The following CYP20A1 variants were observed in gnomAD, a reference collection of about 807,000 sequenced individuals.
CYP20A1 encodes cytochrome P450 family 20 subfamily A member 1.
Under a neutral mutation model 61.4 loss-of-function variants are expected in CYP20A1, and 61 were observed. The ratio of observed to expected loss-of-function variants is 0.99; its 90% confidence interval spans 0.81 to 1.23. The LOEUF (loss-of-function observed/expected upper bound fraction) is 1.23. CYP20A1 is among the 50% of genes most tolerant of loss of function. The probability of loss-of-function intolerance (pLI) is 0.00; values close to 1 mark genes in which losing one functional copy is unlikely to be tolerated. For missense variants in CYP20A1, 530 were observed against 542.4 expected, an observed-to-expected ratio of 0.98 and a Z score of 0.23; for synonymous variants, 193 against 188.2, an observed-to-expected ratio of 1.03 and a Z score of -0.21.
chr2:203,266,163 C>A (rs925446621), intron 4 of CYP20A1, among the ~76,000 whole-genome samples: 1 of 152,132 alleles, frequency 6.6e-6, no homozygotes, highest in Non-Finnish European at 1.5e-5. Flanking sequence ...CACAGGCATT[C>A]TGTGGCAGAC....
At chr2:203,285,076 G>A (rs1019443451) in intron 8 of CYP20A1, among the ~76,000 whole-genome samples, 1 of 152,022 alleles carries the variant, frequency 6.6e-6, no homozygotes, top group African/African-American at 2.4e-5. Context: ...CACCACGTCT[G>A]GTTGAGAACT....
rs1437374054 is a variant in CYP20A1, at chr2:203,303,799, C to A, written c.*6891C>A. Among the ~76,000 whole-genome samples the A allele has an allele frequency of 1.3e-5, 2 of 150,756 alleles. No homozygotes were observed. The highest frequency in any genetic ancestry group is 3.0e-5 in the Non-Finnish European group (2 of 67,792). ...GCTGAGGCATGAGAAAAAAAATAAA[C>A]CTGGGAGGTGGAGGTTGCAGTGAGT... On this transcript the variant is annotated 3_prime_UTR_variant, in exon 13 of 13. Transcript: ENST00000356079.
At chr2:203,244,099 G>A (rs116095618) in intron 1 of CYP20A1, among the ~76,000 whole-genome samples, 183 of 151,942 alleles carry the variant, frequency 1.2e-3, no homozygotes, top group African/African-American at 4.3e-3. Flanking sequence ...ACTGTGAACT[G>A]GCTATGCTCC....
chr2:203,294,406 G>T lies in CYP20A1; in HGVS notation c.1149-2068G>T, dbSNP rs998734662. Among the ~76,000 whole-genome samples, 3 of 151,616 alleles carry T rather than the reference G, an allele frequency of 2.0e-5. No individual in the cohort carries two copies. In the East Asian group the frequency reaches 5.9e-4, roughly 30 times the overall value. ...TGCAAAATTAGCCAGGTGTGGTGGC[G>T]CATGCCTGTAATCCCAGCTACTCGG... On this transcript the variant is annotated intron_variant, in intron 11 of 12. Transcript: ENST00000356079.
intron 1 of CYP20A1, among the ~76,000 whole-genome samples, chr2:203,239,945 C>T (rs1313227954): frequency 6.6e-6 from 1 of 152,054 alleles, no homozygotes; most frequent in Non-Finnish European, 1.5e-5. Flanking sequence ...AAAATACAAA[C>T]ATTAGCTGGC....
intron 1 of CYP20A1, among the ~76,000 whole-genome samples, chr2:203,243,855 A>T (rs964353599): frequency 6.6e-6 from 1 of 151,626 alleles, no homozygotes; most frequent in Admixed American, 6.6e-5. Context: ...CACCCGGCGA[A>T]TTTTTTGTAC....
chr2:203,302,997 T>C lies in CYP20A1; in HGVS notation c.*6089T>C, dbSNP rs1441512242. ...TGAGCCACCGCGCTCGGTCCCTTTC[T>C]TTTTATTTATTTATTTATTTTGAGA... On this transcript the variant is annotated 3_prime_UTR_variant, in exon 13 of 13. Coordinates refer to ENST00000356079, the MANE Select transcript of CYP20A1 (RefSeq NM_177538.3). Among the ~76,000 whole-genome samples, 1 of 151,600 alleles carries C rather than the reference T, an allele frequency of 6.6e-6. No homozygotes were observed. The highest frequency in any genetic ancestry group is 1.5e-5 in the Non-Finnish European group (1 of 67,920).
intron 4 of CYP20A1, among the ~76,000 whole-genome samples, chr2:203,262,577 G>A (rs1355808582): frequency 6.6e-6 from 1 of 151,430 alleles, no homozygotes; most frequent in Non-Finnish European, 1.5e-5. Flanking sequence ...TTCTTGAGAT[G>A]ATTGCTTAGA....
intron 10 of CYP20A1, among the ~76,000 whole-genome samples, chr2:203,290,920 G>A (rs2068505549): frequency 6.6e-6 from 1 of 152,172 alleles, no homozygotes; most frequent in Admixed American, 6.6e-5. Flanking sequence ...TGGGATTACA[G>A]GCATGAGCCA....
intron 1 of CYP20A1, 28 bp from the exon 2 acceptor site, chr2:203,245,818 T>G: frequency 1.4e-6 from 2 of 1,464,204 alleles, no homozygotes; most frequent in Non-Finnish European, 1.9e-6. Context: ...ATATGATAAT[T>G]CATTATTATA....
At chr2:203,271,561 G>A (rs1293810462) in intron 5 of CYP20A1, among the ~76,000 whole-genome samples, 1 of 152,058 alleles carries the variant, frequency 6.6e-6, no homozygotes, top group African/African-American at 2.4e-5. Flanking sequence ...TCAGGTTAAA[G>A]TTTTTTCAGG....
chr2:203,298,699 C>CAA lies in CYP20A1; in HGVS notation c.*1806_*1807dup, dbSNP rs755976703. 4.3e-4 allele frequency among the ~76,000 whole-genome samples: 38 copies of CAA among 88,496 alleles called. No homozygotes were observed. The highest frequency in any genetic ancestry group is 2.2e-3 in the Admixed American group (18 of 8,188). The allele number at this position is 88,496 out of a possible 152,430, so 58.1% of individuals were successfully genotyped here. ...CTGGGTGTCGAGTGAAACTCATTCTCAAAAAAAAAAAAAAAAGGAGGTGGG... is the reference window on the plus strand; with the variant it reads ...CTGGGTGTCGAGTGAAACTCATTCTCAAAAAAAAAAAAAAAAAAGGAGGTGGG... On this transcript the variant is annotated 3_prime_UTR_variant, in exon 13 of 13. Transcript: ENST00000356079.
At chr2:203,262,192 C>A (rs1015194020) in intron 4 of CYP20A1, among the ~76,000 whole-genome samples, 5 of 152,128 alleles carry the variant, frequency 3.3e-5, no homozygotes, top group Non-Finnish European at 5.9e-5. Context: ...ATGTAAAGGA[C>A]CCAAGTCGAT....
intron 4 of CYP20A1, among the ~76,000 whole-genome samples, chr2:203,262,086 G>A (rs1291015615): frequency 6.6e-6 from 1 of 152,180 alleles, no homozygotes; most frequent in East Asian, 1.9e-4. Context: ...TCTGTGACAA[G>A]CAGGGGAACA....
intron 6 of CYP20A1, among the ~76,000 whole-genome samples, chr2:203,277,766 G>A (rs777786972): frequency 6.6e-6 from 1 of 151,856 alleles, no homozygotes; most frequent in Non-Finnish European, 1.5e-5. Flanking sequence ...CACCTGCCTC[G>A]GCCTCCCAAA....
intron 4 of CYP20A1, among the ~76,000 whole-genome samples, chr2:203,253,516 C>T (rs6761706): frequency 0.45 from 68,328 of 152,060 alleles, 17,022 homozygotes; most frequent in Middle Eastern, 0.67. Flanking sequence ...TTTTAAGGTA[C>T]GCACCGGCTC....
Position 203,285,636 on chromosome 2 carries a change from T to A in CYP20A1, c.875T>A (p.Leu292Ter). Residue 292 changes from leucine to a stop codon, truncating the protein, a stop_gained, in exon 9 of 13, where the codon TTA (leucine) becomes TAA (stop). Coordinates refer to ENST00000356079, the MANE Select transcript of CYP20A1 (RefSeq NM_177538.3). LOFTEE classifies it high-confidence loss of function. Reference sequence around the variant, plus strand: ...GTGTGTACCTGGGCAATCTGTTTTTTAACCACCTCTGAAGAAGTTCAAAAA... The same window carrying A: ...GTGTGTACCTGGGCAATCTGTTTTTAAACCACCTCTGAAGAAGTTCAAAAA... Reference protein sequence around the residue: ...AKLCTWAICFLTTSEEVQKKL... With the variant: ...AKLCTWAICF 1 of 1,595,026 alleles carries A rather than the reference T, an allele frequency of 6.3e-7. No homozygotes were observed. Among genetic ancestry groups the A allele is most frequent in the East Asian group, 2.3e-5 (1 of 44,416 alleles).
chr2:203,294,029 G>A (rs2068662234), intron 11 of CYP20A1, among the ~76,000 whole-genome samples: 1 of 151,896 alleles, frequency 6.6e-6, no homozygotes, highest in South Asian at 2.1e-4. Flanking sequence ...TGTCACCCAG[G>A]CTGGAGTGCA....
chr2:203,268,966 T>G (rs1322855167), intron 5 of CYP20A1, among the ~76,000 whole-genome samples: 2 of 152,226 alleles, frequency 1.3e-5, no homozygotes, highest in African/African-American at 2.4e-5. Flanking sequence ...ATGTCATCAG[T>G]TGTAAGATGC....
Sources: allele counts gnomAD v4.1 joint callset (sites outside exome capture counted in the v4.1 genomes callset), GRCh38; gene constraint gnomAD v4.1.1; transcripts MANE v1.5; gene names NCBI Gene and HGNC (gene_info 2026-07-23, HGNC 2026-07-21).